The following ZNF180 variants were observed in gnomAD, a reference collection of about 807,000 sequenced individuals.
The protein encoded by ZNF180 is zinc finger protein 180 (HHZ168).
A neutral mutation model predicts 11.8 loss-of-function variants in ZNF180; 11 were observed. The ratio of observed to expected loss-of-function variants is 0.93; its 90% confidence interval spans 0.59 to 1.55. The LOEUF (loss-of-function observed/expected upper bound fraction) is 1.55, where lower values mean the gene tolerates loss of function less well. Among genes scored for constraint, ZNF180 ranks in the 40% most tolerant of loss-of-function variants. The probability of loss-of-function intolerance (pLI) is 0.00; values close to 1 mark genes in which losing one functional copy is unlikely to be tolerated. For missense variants in ZNF180, 773 were observed against 781.7 expected, an observed-to-expected ratio of 0.99 and a Z score of 0.13; for synonymous variants, 287 against 257.7, an observed-to-expected ratio of 1.11 and a Z score of -1.09.
At chr19:44,483,732 G>A (rs1383777117) in intron 3 of ZNF180, among the ~76,000 whole-genome samples, 1 of 152,064 alleles carries the variant, frequency 6.6e-6, no homozygotes, top group South Asian at 2.1e-4. Flanking sequence ...ATTTATTCAA[G>A]ATGTTCTGAA....
intron 2 of ZNF180, chr19:44,484,723 A>G: frequency 2.1e-6 from 1 of 468,568 alleles, no homozygotes; most frequent in Non-Finnish European, 3.9e-6. Context: ...GTGATCCAAG[A>G]CACTAAGGAG....
chr19:44,492,694 T>C (rs1205806467), intron 2 of ZNF180, among the ~76,000 whole-genome samples: 1 of 152,192 alleles, frequency 6.6e-6, no homozygotes, highest in African/African-American at 2.4e-5. Flanking sequence ...CCTTTCCCAA[T>C]CTGAGGTATT....
chr19:44,499,737 G>A (rs908376312), intron 1 of ZNF180, among the ~76,000 whole-genome samples: 2 of 152,146 alleles, frequency 1.3e-5, no homozygotes, highest in Non-Finnish European at 2.9e-5. Flanking sequence ...CTCCAATCTG[G>A]TCTCTCCACC....
chr19:44,499,570 T>G (rs1277075463), intron 1 of ZNF180, among the ~76,000 whole-genome samples: 1 of 152,130 alleles, frequency 6.6e-6, no homozygotes, highest in Non-Finnish European at 1.5e-5. Context: ...GTTTCTGTTT[T>G]CCATTCAGAC....
intron 2 of ZNF180, among the ~76,000 whole-genome samples, chr19:44,488,431 G>C (rs1216166855): frequency 6.6e-6 from 1 of 151,912 alleles, no homozygotes; most frequent in African/African-American, 2.4e-5. Flanking sequence ...CGCCTGACTG[G>C]TTTTCGTATT....
chr19:44,483,991 CTTTCT>C (rs1463618501), intron 3 of ZNF180, among the ~76,000 whole-genome samples: 1 of 102,226 alleles, frequency 9.8e-6, no homozygotes, highest in African/African-American at 3.6e-5. Context: ...CACTTTCTTT[CTTTCT>C]TTTTTTTTTT....
intron 4 of ZNF180, 30 bp from the exon 5 acceptor site, chr19:44,478,176 T>C (rs750636392): frequency 6.7e-7 from 1 of 1,501,188 alleles, no homozygotes; most frequent in Non-Finnish European, 8.9e-7. Flanking sequence ...GACATCTTAG[T>C]CAAAAAATAT....
rs543904396 is a variant in ZNF180 at position 44,495,551 on chromosome 19, A to G, written c.51+1733T>C. On this transcript the variant is annotated intron_variant, in intron 2 of 4. Coordinates refer to ENST00000592529, the MANE Select transcript of ZNF180 (RefSeq NM_001278509.3). This position sits in a 1 kb window ranked among gnomAD's most constrained non-coding sequence, Gnocchi z 4.5. ...CCAACACAGGTGCACATCTCACCCC[A>G]CTCTGGCTCCAACACCCCATCTACC... Among the ~76,000 whole-genome samples, 8 of 151,180 alleles carry G rather than the reference A, an allele frequency of 5.3e-5. No individual in the cohort carries two copies. The highest frequency in any genetic ancestry group is 1.9e-4 in the African/African-American group (8 of 41,144).
Position 44,478,046 on chromosome 19 carries a change from A to G in ZNF180, c.354T>C (p.Asp118=). The change falls in exon 5 of 5, where the codon GAT becomes GAC. Residue 118 remains aspartate (D), a synonymous_variant. Coordinates refer to ENST00000592529, the MANE Select transcript of ZNF180 (RefSeq NM_001278509.3). The part of the protein sequence containing the change: ...NGVKIERFTR[D]DPWLSSCEEV... ...CTTCACATGAAGATAACCAAGGATC[A>G]TCCCTTGTAAACCTTTCTATCTTCA... 1 of 1,614,040 alleles carries G rather than the reference A, an allele frequency of 6.2e-7. No individual in the cohort carries two copies. Among genetic ancestry groups the G allele is most frequent in the Non-Finnish European group, 8.5e-7 (1 of 1,179,938 alleles).
At chr19:44,489,054 G>A (rs991187873) in intron 2 of ZNF180, among the ~76,000 whole-genome samples, 6 of 150,738 alleles carry the variant, frequency 4.0e-5, no homozygotes, top group African/African-American at 1.5e-4. Flanking sequence ...CCGGGAGGGA[G>A]GTGGGGGTCA....
rs557665503 is a variant in ZNF180 at position 44,481,105 on chromosome 19, C to A, written c.127-1696G>T. Among the ~76,000 whole-genome samples the A allele has an allele frequency of 4.6e-5, 7 of 152,264 alleles. No individual in the cohort carries two copies. The East Asian group carries it at 1.4e-3, about 29-fold the overall frequency. On this transcript the variant is annotated intron_variant, in intron 3 of 4. Transcript: ENST00000592529. The stretch of plus-strand genomic sequence containing the variant: ...AGGAAAGGGCCTGTTCTTAAGATAA[C>A]TGGGCAGGAATTTTAATCCAAAAGA...
chr19:44,474,517 A>C lies in ZNF180; in HGVS notation c.*1885T>G, dbSNP rs1969807045. The C allele has an allele frequency of 6.6e-6, 1 of 152,170 alleles. No individual in the cohort carries two copies. The highest frequency in any genetic ancestry group is 6.5e-5 in the Admixed American group (1 of 15,280). 9.4% of individuals were successfully genotyped at this position (152,170 alleles called of 1,614,324 possible). A position where few individuals can be genotyped will look rare whatever the true frequency, so the allele number is the denominator to read the frequency against. On this transcript the variant is annotated 3_prime_UTR_variant, in exon 5 of 5. Coordinates refer to ENST00000592529, the MANE Select transcript of ZNF180 (RefSeq NM_001278509.3). ...CACTCAAAACATCATTAAACCATCT[A>C]ATCTAATATTCGACCATATCATTTC... is the stretch of plus-strand genomic sequence containing the variant.
chr19:44,497,487 A>C, intron 1 of ZNF180, 110 bp from the exon 2 acceptor site: 1 of 1,116,868 alleles, frequency 9.0e-7, no homozygotes, highest in Non-Finnish European at 1.2e-6. Context: ...CCCATAGCAA[A>C]TGCACTTCTG....
Position 44,476,517 on chromosome 19 carries a change from T to G in ZNF180, c.1883A>C (p.His628Pro). ...ACATGTAAAGGGTTTCTCTCCAGTA[T>G]GAGTTCTTTGATGCACAATAAGTCG... ...SARLIVHQRT[H>P]TGEKPFTCIQ... Residue 628 changes from histidine to proline, a missense_variant, in exon 5 of 5, where the codon CAT (histidine) becomes CCT (proline). By Grantham distance (77) the His-to-Pro change is moderately conservative (BLOSUM62 -2). Coordinates refer to ENST00000592529, the MANE Select transcript of ZNF180 (RefSeq NM_001278509.3). 1 of 1,614,164 alleles carries G rather than the reference T, an allele frequency of 6.2e-7. No homozygotes were observed. The highest frequency in any genetic ancestry group is 8.5e-7 in the Non-Finnish European group (1 of 1,180,002).
At chr19:44,499,398 C>CT in intron 1 of ZNF180, among the ~76,000 whole-genome samples, 1 of 152,350 alleles carries the variant, frequency 6.6e-6, no homozygotes, top group African/African-American at 2.4e-5. Context: ...CATAACGATG[C>CT]TGGCAACATA....
chr19:44,497,674 T>G (rs1223553873), intron 1 of ZNF180, among the ~76,000 whole-genome samples: 1 of 152,032 alleles, frequency 6.6e-6, no homozygotes, highest in Non-Finnish European at 1.5e-5. Flanking sequence ...ACCACCAAAG[T>G]CTGCAGCACC....
At chr19:44,485,043 C>G (rs1405064098) in intron 2 of ZNF180, 1 of 152,316 alleles carries the variant, frequency 6.6e-6, no homozygotes, top group Admixed American at 6.6e-5. Flanking sequence ...CACCTGTAGT[C>G]CCAGCTACTT....
chr19:44,482,414 C>A (rs957129569), intron 3 of ZNF180, among the ~76,000 whole-genome samples: 4 of 152,166 alleles, frequency 2.6e-5, no homozygotes, highest in African/African-American at 9.7e-5. Flanking sequence ...GATGACTTCC[C>A]TCCTCCTCAG....
At chr19:44,486,834 A>G (rs1970241840) in intron 2 of ZNF180, among the ~76,000 whole-genome samples, 1 of 152,138 alleles carries the variant, frequency 6.6e-6, no homozygotes, top group Admixed American at 6.6e-5. Flanking sequence ...TGAACTCAGG[A>G]GTTCGAGACC....
Sources: gnomAD v4.1 joint callset for allele counts (sites outside exome capture counted in the v4.1 genomes callset) on GRCh38, gnomAD v4.1.1 for gene constraint, Gnocchi (gnomAD v3.1) non-coding constraint, MANE v1.5 for transcripts, NCBI Gene and HGNC (gene_info 2026-07-23, HGNC 2026-07-21) for gene names.